The following SPRED2 variants were observed in gnomAD, a reference collection of about 807,000 sequenced individuals.
SPRED2 encodes the protein sprouty related EVH1 domain containing 2.
In SPRED2, 47 loss-of-function variants were observed where a neutral mutation model predicts 43.0. That is an observed-to-expected ratio of 1.09 (90% CI 0.87 to 1.40). SPRED2 has a LOEUF of 1.40. SPRED2 is among the 40% of genes most tolerant of loss of function. The pLI, the probability that SPRED2 is intolerant of heterozygous loss-of-function variation, is 0.00. For missense variants in SPRED2, 561 were observed against 586.4 expected (o/e 0.96, Z 0.45); for synonymous variants, 225 against 225.7 (o/e 1.00, Z 0.03).
intron 1 of SPRED2, among the ~76,000 whole-genome samples, chr2:65,415,933 T>C (rs1306928735): frequency 6.6e-6 from 1 of 152,140 alleles, no homozygotes; most frequent in African/African-American, 2.4e-5. Context: ...CTAATACGAA[T>C]GTGTGTCACC....
At chr2:65,338,631 G>C (rs13009026) in intron 2 of SPRED2, among the ~76,000 whole-genome samples, 33,160 of 149,508 alleles carry the variant, frequency 0.22, 3,893 homozygotes, top group African/African-American at 0.36. Flanking sequence ...GTGCAGTGGC[G>C]TGATCTCGGC....
intron 1 of SPRED2, among the ~76,000 whole-genome samples, chr2:65,422,104 A>ACACACTCTCTCT (rs1299857849): frequency 3.9e-5 from 5 of 128,938 alleles, no homozygotes; most frequent in South Asian, 5.6e-4. Context: ...ACACACACAC[A>ACACACTCTCTCT]CTCTCTCTCT....
At chr2:65,347,757 A>G (rs571972999) in intron 1 of SPRED2, among the ~76,000 whole-genome samples, 1 of 152,270 alleles carries the variant, frequency 6.6e-6, no homozygotes, top group East Asian at 1.9e-4. Flanking sequence ...AGGTCTCTAC[A>G]TAGGCATCGA....
intron 1 of SPRED2, among the ~76,000 whole-genome samples, chr2:65,360,075 A>C (rs1558668187): frequency 3.1e-5 from 3 of 96,706 alleles, no homozygotes; most frequent in Non-Finnish European, 4.3e-5. Flanking sequence ...AAAAAAAAAA[A>C]AAACAAAAAA....
chr2:65,313,921 G>GT lies in SPRED2; in HGVS notation c.836dup (p.Asp279GlufsTer92), dbSNP rs1673153869. On this transcript the variant is annotated frameshift_variant, in exon 6 of 6. Transcript: ENST00000356388. LOFTEE classifies it high-confidence loss of function. ...TCACGCTGCCCCCGCGGCCTTTGGGGTCCTCGCCTAGGCCAAAGTCTGAGG... is the reference window on the plus strand; with the variant it reads ...TCACGCTGCCCCCGCGGCCTTTGGGGTTCCTCGCCTAGGCCAAAGTCTGAGG... The GT allele has an allele frequency of 6.2e-7, 1 of 1,610,866 alleles. No individual in the cohort carries two copies. The highest frequency in any genetic ancestry group is 1.3e-5 in the African/African-American group (1 of 74,950).
downstream of SPRED2, among the ~76,000 whole-genome samples, chr2:65,310,661 A>C: frequency 6.6e-6 from 1 of 152,146 alleles, no homozygotes; most frequent in East Asian, 1.9e-4. Flanking sequence ...ATCCGAGCCC[A>C]AGGAGCTGCA....
At chr2:65,405,610 C>G (rs1676006375) in intron 1 of SPRED2, among the ~76,000 whole-genome samples, 1 of 152,128 alleles carries the variant, frequency 6.6e-6, no homozygotes, top group Non-Finnish European at 1.5e-5. Flanking sequence ...TTCAACGCCC[C>G]CAGAAGATTA....
At chr2:65,355,093 T>C (rs1385926230) in intron 1 of SPRED2, among the ~76,000 whole-genome samples, 4 of 152,180 alleles carry the variant, frequency 2.6e-5, no homozygotes, top group Non-Finnish European at 5.9e-5. Flanking sequence ...TTCTTGAAGT[T>C]TGAAAACTCT....
chr2:65,365,533 G>A (rs1162344047), intron 1 of SPRED2, among the ~76,000 whole-genome samples: 1 of 152,160 alleles, frequency 6.6e-6, no homozygotes, highest in African/African-American at 2.4e-5. Context: ...GGTAACCCCA[G>A]ATCTGTTTAA....
downstream of SPRED2, among the ~76,000 whole-genome samples, chr2:65,310,445 T>G (rs1011783811): frequency 6.9e-6 from 1 of 144,018 alleles, no homozygotes; most frequent in Non-Finnish European, 1.5e-5. Flanking sequence ...CTGCGAGAAA[T>G]TGTCCTCCAA....
intron 1 of SPRED2, among the ~76,000 whole-genome samples, chr2:65,388,259 TG>T (rs1456898752): frequency 2.0e-4 from 31 of 152,326 alleles, no homozygotes; most frequent in Admixed American, 9.1e-4. Context: ...GTGAATCCAG[TG>T]CTTATGAAAC....
downstream of SPRED2, among the ~76,000 whole-genome samples, chr2:65,310,036 C>T (rs1479413246): frequency 2.0e-5 from 3 of 152,166 alleles, no homozygotes; most frequent in African/African-American, 7.2e-5. Context: ...ACAGGGATGA[C>T]AGGAGGGCCC....
intron 1 of SPRED2, among the ~76,000 whole-genome samples, chr2:65,400,820 C>T (rs1020254388): frequency 6.6e-6 from 1 of 152,168 alleles, no homozygotes; most frequent in Non-Finnish European, 1.5e-5. Context: ...TTCAGCTTTG[C>T]GCCACCCACC....
intron 4 of SPRED2, among the ~76,000 whole-genome samples, chr2:65,322,474 T>C (rs1293680525): frequency 6.6e-6 from 1 of 151,762 alleles, no homozygotes; most frequent in Non-Finnish European, 1.5e-5. Flanking sequence ...TTCGTATTTT[T>C]AGTAGAGATG....
chr2:65,428,915 A>T (rs1676615282), intron 1 of SPRED2, among the ~76,000 whole-genome samples: 1 of 152,250 alleles, frequency 6.6e-6, no homozygotes, highest in South Asian at 2.1e-4. Flanking sequence ...GACTTACAAT[A>T]GTTTGCTGAT....
At chr2:65,334,334 A>G in intron 3 of SPRED2, 1 of 552,902 alleles carries the variant, frequency 1.8e-6, no homozygotes, top group Non-Finnish European at 3.5e-6. Flanking sequence ...TCAAAAATAC[A>G]TGCACATGGA....
intron 4 of SPRED2, among the ~76,000 whole-genome samples, chr2:65,329,621 T>C (rs2104194603): frequency 6.6e-6 from 1 of 152,262 alleles, no homozygotes; most frequent in East Asian, 1.9e-4. Flanking sequence ...CCAGGAGGGA[T>C]TCTGGCTTCC....
At chr2:65,411,515 T>G (rs1676158825) in intron 1 of SPRED2, among the ~76,000 whole-genome samples, 2 of 152,190 alleles carry the variant, frequency 1.3e-5, no homozygotes, top group Admixed American at 6.5e-5. Context: ...AGTAAATGGC[T>G]TGAAGGGACT....
intron 1 of SPRED2, among the ~76,000 whole-genome samples, chr2:65,390,764 C>T (rs948071618): frequency 6.6e-6 from 1 of 152,134 alleles, no homozygotes; most frequent in African/African-American, 2.4e-5. Context: ...TTTTCTAGAA[C>T]AAGTCACGTT....
Sources: gnomAD v4.1 joint callset for allele counts (sites outside exome capture counted in the v4.1 genomes callset) on GRCh38, gnomAD v4.1.1 for gene constraint, MANE v1.5 for transcripts, NCBI Gene and HGNC (gene_info 2026-07-23, HGNC 2026-07-21) for gene names.